The following PDE7A variants were observed in gnomAD, a reference collection of about 807,000 sequenced individuals.
PDE7A encodes the protein phosphodiesterase 7A, also known as high affinity 3',5'-cyclic-AMP phosphodiesterase 7A.
A neutral mutation model predicts 64.3 loss-of-function variants in PDE7A; 39 were observed. That is an observed-to-expected ratio of 0.61 (90% CI 0.47 to 0.79). The LOEUF (loss-of-function observed/expected upper bound fraction) is 0.79, where lower values mean the gene tolerates loss of function less well. PDE7A is among the 30% of genes least tolerant of loss of function. The pLI is 0.00. For missense variants in PDE7A, 470 were observed against 582.8 expected (o/e 0.81, Z 1.99); for synonymous variants, 203 against 206.8 (o/e 0.98, Z 0.16).
rs756559485 is a variant in PDE7A at position 65,747,756 on chromosome 8, G to A, written c.331C>T (p.Leu111=). 8 of 1,609,106 alleles carry A rather than the reference G, an allele frequency of 5.0e-6. No homozygotes were observed. The East Asian group carries it at 1.6e-4, about 31-fold the overall frequency. The change falls in exon 4 of 13, where the codon CTA becomes TTA. Residue 111 remains leucine, a synonymous_variant. Transcript: ENST00000401827. ...CTAAGATATCGCTGGAAACTTAGTA[G>A]CCTTCTGATATTCCTTGCAGAGACA... ...VSVSARNIRR[L]LSFQRYLRSS... is the part of the protein sequence containing the mutation.
At chr8:65,806,479 A>C (rs1563514763) in intron 1 of PDE7A, among the ~76,000 whole-genome samples, 1 of 152,244 alleles carries the variant, frequency 6.6e-6, no homozygotes, top group Non-Finnish European at 1.5e-5. Flanking sequence ...CCACTGAATC[A>C]TACACTTAAA....
At chr8:65,730,448 G>A (rs1329251620) in intron 7 of PDE7A, among the ~76,000 whole-genome samples, 2 of 151,844 alleles carry the variant, frequency 1.3e-5, no homozygotes, top group African/African-American at 2.4e-5. Flanking sequence ...CCAAAGTGCT[G>A]GGATTACAGG....
At chr8:65,800,485 C>T (rs1201723239) in intron 1 of PDE7A, among the ~76,000 whole-genome samples, 1 of 152,200 alleles carries the variant, frequency 6.6e-6, no homozygotes, top group African/African-American at 2.4e-5. Context: ...TTTCCTGAAA[C>T]TCACCCCTGT....
At chr8:65,781,307 C>T (rs957648319) in intron 2 of PDE7A, among the ~76,000 whole-genome samples, 2 of 148,478 alleles carry the variant, frequency 1.3e-5, no homozygotes, top group Non-Finnish European at 3.0e-5. Flanking sequence ...AAGAGGCTGG[C>T]GTGGCAGGAG....
intron 1 of PDE7A, among the ~76,000 whole-genome samples, chr8:65,819,211 T>A (rs1343955752): frequency 1.3e-5 from 2 of 152,140 alleles, no homozygotes; most frequent in Admixed American, 6.6e-5. Flanking sequence ...CTGGGCAACA[T>A]AGTGAGACAC....
rs779701295 is a variant in PDE7A at position 65,715,996 on chromosome 8, CAAAAAAAA to C, written c.*3286_*3293del. On this transcript the variant is annotated 3_prime_UTR_variant, in exon 13 of 13. Transcript: ENST00000401827. ...TGGGCGACAGAGCAAGGCTCTGTCT[CAAAAAAAA>C]AAAAAAAAAAAAAAAAAAAAATTAG... 2.4e-4 allele frequency among the ~76,000 whole-genome samples: 8 copies of C among 33,860 alleles called. No individual in the cohort carries two copies. The highest frequency in any genetic ancestry group is 4.6e-3 in the South Asian group (2 of 432). 22.2% of individuals were successfully genotyped at this position (33,860 alleles called of 152,430 possible). A position where few individuals can be genotyped will look rare whatever the true frequency, so the allele number is the denominator to read the frequency against.
intron 12 of PDE7A, among the ~76,000 whole-genome samples, chr8:65,720,246 TAAAC>T (rs1287534265): frequency 2.0e-5 from 3 of 152,232 alleles, no homozygotes; most frequent in East Asian, 1.9e-4. Context: ...AGTAGTATCT[TAAAC>T]AAGGTCAAAA....
intron 7 of PDE7A, among the ~76,000 whole-genome samples, chr8:65,733,945 G>C (rs950017043): frequency 1.3e-5 from 2 of 152,144 alleles, no homozygotes; most frequent in Non-Finnish European, 2.9e-5. Flanking sequence ...CATAATTGCA[G>C]AACTGCCAGG....
At chr8:65,781,541 G>C (rs1809420186) in intron 2 of PDE7A, among the ~76,000 whole-genome samples, 1 of 152,136 alleles carries the variant, frequency 6.6e-6, no homozygotes, top group African/African-American at 2.4e-5. Context: ...GCATTGGTGT[G>C]GTGAGATTTG....
intron 3 of PDE7A, among the ~76,000 whole-genome samples, chr8:65,758,568 C>A (rs1053417194): frequency 1.3e-5 from 2 of 152,238 alleles, no homozygotes; most frequent in Non-Finnish European, 2.9e-5. Context: ...AATGTGAGCA[C>A]ACACTTGTGA....
At chr8:65,733,552 C>T (rs1226749362) in intron 7 of PDE7A, among the ~76,000 whole-genome samples, 4 of 151,860 alleles carry the variant, frequency 2.6e-5, no homozygotes, top group Admixed American at 6.6e-5. Context: ...CCCAGGATGT[C>T]GAGGCTGCAG....
intron 3 of PDE7A, among the ~76,000 whole-genome samples, chr8:65,753,833 CT>C (rs1348745268): frequency 1.3e-5 from 2 of 152,128 alleles, no homozygotes; most frequent in Non-Finnish European, 2.9e-5. Flanking sequence ...ATTATTATAT[CT>C]TCCTGCTGGA....
intron 1 of PDE7A, among the ~76,000 whole-genome samples, chr8:65,790,374 G>A (rs1809668195): frequency 1.3e-5 from 2 of 152,160 alleles, no homozygotes; most frequent in South Asian, 4.1e-4. Context: ...GGGCAGTCAG[G>A]CCACCACTGC....
intron 3 of PDE7A, among the ~76,000 whole-genome samples, chr8:65,767,045 CCACTA>C (rs1808824097): frequency 6.6e-6 from 1 of 152,130 alleles, no homozygotes; most frequent in South Asian, 2.1e-4. Flanking sequence ...AACGCCTGGA[CCACTA>C]CATCCAACTG....
intron 3 of PDE7A, among the ~76,000 whole-genome samples, chr8:65,775,658 C>T (rs533312700): frequency 2.0e-5 from 3 of 152,328 alleles, no homozygotes; most frequent in Admixed American, 6.5e-5. Context: ...GACGAAGTCT[C>T]GCTCTGTAGC....
intron 1 of PDE7A, among the ~76,000 whole-genome samples, chr8:65,809,033 A>G (rs1440260561): frequency 6.6e-6 from 1 of 152,354 alleles, no homozygotes; most frequent in East Asian, 1.9e-4. Flanking sequence ...AGTAAAGTGA[A>G]GTAGCACTGG....
chr8:65,784,366 T>C (rs1809493527), intron 1 of PDE7A, among the ~76,000 whole-genome samples: 2 of 152,158 alleles, frequency 1.3e-5, no homozygotes, highest in Non-Finnish European at 2.9e-5. Context: ...GTGGAGGAAA[T>C]ACTGATTTTT....
At chr8:65,789,506 T>C (rs1213381866) in intron 1 of PDE7A, among the ~76,000 whole-genome samples, 2 of 152,208 alleles carry the variant, frequency 1.3e-5, no homozygotes, top group Non-Finnish European at 2.9e-5. Flanking sequence ...TTATGAATAT[T>C]AGAGGCTGTC....
chr8:65,791,893 T>C (rs934340352), intron 1 of PDE7A, among the ~76,000 whole-genome samples: 1 of 152,216 alleles, frequency 6.6e-6, no homozygotes, highest in African/African-American at 2.4e-5. Flanking sequence ...CTTTTTCTTA[T>C]TTTGAGATAC....
Sources: allele counts gnomAD v4.1 joint callset (sites outside exome capture counted in the v4.1 genomes callset), GRCh38; gene constraint gnomAD v4.1.1; transcripts MANE v1.5; gene names NCBI Gene and HGNC (gene_info 2026-07-23, HGNC 2026-07-21).